TMC2: variants seen among roughly 807,000 people sequenced by gnomAD.
The protein encoded by TMC2 is transmembrane channel-like protein 2.
Under a neutral mutation model 105.9 loss-of-function variants are expected in TMC2, and 102 were observed. The observed-to-expected ratio is 0.96, with a 90% CI of 0.82 to 1.14. TMC2 has a LOEUF of 1.14. Among genes scored for constraint, TMC2 ranks in the 50% most tolerant of loss-of-function variants. The pLI is 0.00. For missense variants in TMC2, 1,093 were observed against 1,134.3 expected, an observed-to-expected ratio of 0.96 and a Z score of 0.52; for synonymous variants, 402 against 422.8, an observed-to-expected ratio of 0.95 and a Z score of 0.60.
intron 11 of TMC2, 91 bp downstream of exon 11, chr20:2,602,392 G>T: frequency 1.0e-6 from 1 of 967,064 alleles, no homozygotes; most frequent in Non-Finnish European, 1.4e-6. Context: ...TCGAAAGTCT[G>T]GATTATAGGC....
Position 2,617,300 on chromosome 20 carries a change from C to CGG in TMC2, c.2171_2172dup (p.Pro725GlyfsTer37). On this transcript the variant is annotated frameshift_variant, in exon 16 of 20. Transcript: ENST00000358864. LOFTEE classifies it high-confidence loss of function. ...TGTCCCTCCCACCCTCCTTTGACTG[C>CGG]GGGCCGTTCAGGTGCAGAGTCTCAG... The CGG allele has an allele frequency of 1.2e-6, 2 of 1,614,192 alleles. No individual in the cohort carries two copies. Among genetic ancestry groups the CGG allele is most frequent in the Non-Finnish European group, 1.7e-6 (2 of 1,180,028 alleles).
chr20:2,591,907 A>G (rs1054458107), intron 7 of TMC2, among the ~76,000 whole-genome samples: 2 of 152,164 alleles, frequency 1.3e-5, no homozygotes, highest in African/African-American at 4.8e-5. Flanking sequence ...TAATCCTGGC[A>G]CTTTGGGAGG....
chr20:2,537,203 C>CG, intron 1 of TMC2, 66 bp from the exon 2 acceptor site: 1 of 1,451,204 alleles, frequency 6.9e-7, no homozygotes, highest in South Asian at 1.2e-5. Context: ...CCACAGTGAC[C>CG]GGGGGTCTGC....
At position 2,597,218 on chromosome 20, in the gene TMC2, A is replaced by T. The variant is rs1480307874; in HGVS notation, c.1144A>T (p.Met382Leu). The change falls in exon 10 of 20, where the codon ATG (methionine) becomes TTG (leucine). Residue 382 changes from methionine to leucine, a missense_variant. By Grantham distance (15) the Met-to-Leu change is conservative (BLOSUM62 2). Transcript: ENST00000358864. ...TGACAACTTCACATTCAGCTTCAAG[A>T]TGTTCACCAGCTGGGACTACCTGAT... ...ESDNFTFSFKMFTSWDYLIGN... is the reference protein window; with the variant it reads ...ESDNFTFSFKLFTSWDYLIGN... The T allele has an allele frequency of 4.3e-6, 7 of 1,614,000 alleles. No homozygotes were observed. Among genetic ancestry groups the T allele is most frequent in the Non-Finnish European group, 5.9e-6 (7 of 1,179,998 alleles).
chr20:2,582,165 G>A (rs777802262), intron 7 of TMC2, among the ~76,000 whole-genome samples: 2 of 152,178 alleles, frequency 1.3e-5, no homozygotes, highest in African/African-American at 2.4e-5. Flanking sequence ...TGAAGTGCAC[G>A]GACAAGTCTT....
At chr20:2,565,547 C>T (rs2086058076) in intron 4 of TMC2, among the ~76,000 whole-genome samples, 1 of 152,196 alleles carries the variant, frequency 6.6e-6, no homozygotes, top group Non-Finnish European at 1.5e-5. Context: ...TTGTAATCGT[C>T]TCTCCAGAAT....
chr20:2,630,098 A>C (rs2086592891), intron 17 of TMC2, among the ~76,000 whole-genome samples: 1 of 152,250 alleles, frequency 6.6e-6, no homozygotes, highest in African/African-American at 2.4e-5. Context: ...ATAATGACAA[A>C]TAATAAGTCC....
intron 16 of TMC2, 105 bp downstream of exon 16, chr20:2,617,416 G>A: frequency 6.8e-7 from 1 of 1,461,110 alleles, no homozygotes; most frequent in Non-Finnish European, 9.3e-7. Context: ...CCTGTAAAAG[G>A]CCATGGAACT....
At position 2,637,518 on chromosome 20, in the gene TMC2, C is replaced by T. The variant is rs765289609; in HGVS notation, c.2430C>T (p.Ala810=). ...EKSHKSVKGK[A]TARDSEDTPK... The stretch of plus-strand genomic sequence containing the variant: ...GTCACAAATCTGTAAAAGGCAAAGC[C>T]ACAGCCAGAGATTCAGAGGACACAC... The change falls in exon 19 of 20, where the codon GCC becomes GCT. Residue 810 remains alanine (A), a synonymous_variant. Coordinates refer to ENST00000358864, the MANE Select transcript of TMC2 (RefSeq NM_080751.3). 6.2e-6 allele frequency: 10 copies of T among 1,613,902 alleles called. 1 individual carries two copies. In the South Asian group the frequency reaches 6.6e-5, roughly 11 times the overall value.
intron 10 of TMC2, among the ~76,000 whole-genome samples, chr20:2,600,153 T>C (rs2086340275): frequency 6.6e-6 from 1 of 152,350 alleles, no homozygotes; most frequent in East Asian, 1.9e-4. Context: ...AGAAGATCAA[T>C]GTCTTTGAAA....
At position 2,592,542 on chromosome 20, in the gene TMC2, G is replaced by A. The variant is rs146231540; in HGVS notation, c.933+134G>A. 2.6e-3 allele frequency: 1,755 copies of A among 668,970 alleles called. 7 individuals carry two copies. Among genetic ancestry groups the A allele is most frequent in the Non-Finnish European group, 4.2e-3 (1,563 of 374,672 alleles). 41.4% of individuals were successfully genotyped at this position (668,970 alleles called of 1,614,324 possible). On this transcript the variant is annotated intron_variant, in intron 8 of 19. Coordinates refer to ENST00000358864, the MANE Select transcript of TMC2 (RefSeq NM_080751.3). The surrounding 1 kb of genome is among the most constrained non-coding windows in gnomAD (Gnocchi z 4.9). Reference sequence around the variant, plus strand: ...ATAGGATCCCAGCACTAAGCTAAATGAGCTTGCAAACCATGTCTCTGCACA... The same window carrying A: ...ATAGGATCCCAGCACTAAGCTAAATAAGCTTGCAAACCATGTCTCTGCACA...
Position 2,641,099 on chromosome 20 carries a change from C to A in TMC2, c.2504-35C>A, listed in dbSNP as rs765327002. 2.5e-5 allele frequency: 39 copies of A among 1,590,798 alleles called. No individual in the cohort carries two copies. The Admixed American group carries it at 6.2e-4, about 25-fold the overall frequency. On this transcript the variant is annotated intron_variant, in intron 19 of 19. Transcript: ENST00000358864. ...TCCAATCCAACCTGTACAAAATCTC[C>A]CACTTCCTCTTTCTTGTCTTGGTTC...
chr20:2,547,700 A>G lies in TMC2; in HGVS notation c.82+10384A>G, dbSNP rs535491675. On this transcript the variant is annotated intron_variant, in intron 2 of 19. Coordinates refer to ENST00000358864, the MANE Select transcript of TMC2 (RefSeq NM_080751.3). ...CTTAAAAACAAACAAAATTGTCTGG[A>G]GAGTTGAACACAGGAATAACATTTG... Among the ~76,000 whole-genome samples, 17 of 152,330 alleles carry G rather than the reference A, an allele frequency of 1.1e-4. No individual in the cohort carries two copies. In the South Asian group the frequency reaches 2.9e-3, roughly 26 times the overall value.
At chr20:2,610,350 G>A in intron 11 of TMC2, 69 bp from the exon 12 acceptor site, 2 of 1,408,836 alleles carry the variant, frequency 1.4e-6, no homozygotes, top group Non-Finnish European at 1.9e-6. Flanking sequence ...GATGGCCATG[G>A]GAGTGCAGAG....
chr20:2,585,411 T>C (rs1169364502), intron 7 of TMC2, among the ~76,000 whole-genome samples: 2 of 152,220 alleles, frequency 1.3e-5, no homozygotes, highest in Admixed American at 1.3e-4. Flanking sequence ...GTATTCATTA[T>C]CTATTGCTGG....
At chr20:2,553,697 T>C (rs1226286155) in intron 2 of TMC2, among the ~76,000 whole-genome samples, 1 of 152,164 alleles carries the variant, frequency 6.6e-6, no homozygotes, top group Non-Finnish European at 1.5e-5. Flanking sequence ...CCAGGCCTGG[T>C]GTTTTCTATT....
intron 3 of TMC2, among the ~76,000 whole-genome samples, chr20:2,560,564 G>A (rs987607789): frequency 4.6e-5 from 7 of 152,164 alleles, no homozygotes; most frequent in South Asian, 2.1e-4. Context: ...GAGGCCGGGC[G>A]TGGTGGCTCA....
chr20:2,549,464 C>T (rs1335329624), intron 2 of TMC2, among the ~76,000 whole-genome samples: 1 of 152,140 alleles, frequency 6.6e-6, no homozygotes, highest in African/African-American at 2.4e-5. Flanking sequence ...TTTTTCCAGC[C>T]AGGCATGGTT....
chr20:2,558,763 G>T lies in TMC2; in HGVS notation c.390G>T (p.Gln130His), dbSNP rs1005260517. 32 of 1,550,702 alleles carry T rather than the reference G, an allele frequency of 2.1e-5. No homozygotes were observed. The highest frequency in any genetic ancestry group is 2.8e-5 in the Non-Finnish European group (32 of 1,150,790). Residue 130 changes from glutamine (Q) to histidine (H), a missense_variant, in exon 3 of 20, where the codon CAG (glutamine) becomes CAT (histidine). Gln to His is a conservative substitution (Grantham distance 24). Transcript: ENST00000358864. The surrounding 1 kb of genome is among the most constrained non-coding windows in gnomAD (Gnocchi z 4.6). ...GGAGGGAGGAGAAGTCGAAGCGGCAGAAGAAACCCAGGTGTGTTGTGGCTC... is the reference window on the plus strand; with the variant it reads ...GGAGGGAGGAGAAGTCGAAGCGGCATAAGAAACCCAGGTGTGTTGTGGCTC... Reference protein sequence around the residue: ...IPRREEKSKRQKKPRSSSLAS... With the variant: ...IPRREEKSKRHKKPRSSSLAS...
Sources: gnomAD v4.1 joint callset for allele counts (sites outside exome capture counted in the v4.1 genomes callset) on GRCh38, gnomAD v4.1.1 for gene constraint, Gnocchi (gnomAD v3.1) non-coding constraint, MANE v1.5 for transcripts, NCBI Gene and HGNC (gene_info 2026-07-23, HGNC 2026-07-21) for gene names.